PDSS2: variants seen among roughly 807,000 people sequenced by gnomAD.
The protein encoded by PDSS2 is decaprenyl diphosphate synthase subunit 2.
In PDSS2, 31 loss-of-function variants were observed where a neutral mutation model predicts 44.5. That is an observed-to-expected ratio of 0.70 (90% CI 0.52 to 0.94). The LOEUF (loss-of-function observed/expected upper bound fraction) is 0.94, where lower values mean the gene tolerates loss of function less well. Ranked by LOEUF, PDSS2 falls within the 40% of genes least tolerant of loss-of-function variation. The probability of loss-of-function intolerance (pLI) is 0.00; values close to 1 mark genes in which losing one functional copy is unlikely to be tolerated. For missense variants in PDSS2, 452 were observed against 482.2 expected (o/e 0.94, Z 0.59); for synonymous variants, 157 against 180.3 (o/e 0.87, Z 1.03).
chr6:107,245,406 C>CA, intron 4 of PDSS2, 142 bp downstream of exon 4: 1 of 498,718 alleles, frequency 2.0e-6, no homozygotes. Flanking sequence ...AATTTGTAGC[C>CA]AAAACACTAA....
Position 107,307,523 on chromosome 6 carries a change from C to CTTT in PDSS2, c.431+26672_431+26674dup, listed in dbSNP as rs77184396. ...GATGGGGCACTTCTACTTTTTAAGC[C>CTTT]TTTTTTTTTTTTTTAAACAGGCAGT... On this transcript the variant is annotated intron_variant, in intron 2 of 7. Transcript: ENST00000369037. Among the ~76,000 whole-genome samples, 4 of 142,326 alleles carry CTTT rather than the reference C, an allele frequency of 2.8e-5. No homozygotes were observed. The Admixed American group carries it at 2.8e-4, about 10-fold the overall frequency. The allele number at this position is 142,326 out of a possible 152,430, so 93.4% of individuals were successfully genotyped here. A position where few individuals can be genotyped will look rare whatever the true frequency, so the allele number is the denominator to read the frequency against.
chr6:107,450,168 T>A (rs1315784743), intron 1 of PDSS2, among the ~76,000 whole-genome samples: 2 of 152,234 alleles, frequency 1.3e-5, no homozygotes, highest in African/African-American at 4.8e-5. Flanking sequence ...AGTTGTTGTA[T>A]CAGTGGTTCA....
intron 1 of PDSS2, among the ~76,000 whole-genome samples, chr6:107,409,324 A>T (rs1412119984): frequency 1.3e-5 from 2 of 152,126 alleles, no homozygotes; most frequent in Non-Finnish European, 1.5e-5. Flanking sequence ...TGGATCTGTA[A>T]TTCTATATAT....
intron 1 of PDSS2, among the ~76,000 whole-genome samples, chr6:107,445,022 T>G (rs1314793405): frequency 6.6e-6 from 1 of 152,082 alleles, no homozygotes; most frequent in Non-Finnish European, 1.5e-5. Context: ...GCCTTACTAC[T>G]CAAAGAATCA....
chr6:107,428,404 G>A (rs1460220436), intron 1 of PDSS2, among the ~76,000 whole-genome samples: 3 of 152,200 alleles, frequency 2.0e-5, no homozygotes, highest in African/African-American at 7.2e-5. Flanking sequence ...GATGAATGCC[G>A]TGACTAAGGC....
At chr6:107,174,953 G>A (rs1380513101) in intron 7 of PDSS2, among the ~76,000 whole-genome samples, 2 of 152,102 alleles carry the variant, frequency 1.3e-5, no homozygotes, top group Non-Finnish European at 1.5e-5. Context: ...GGTGGTTCAC[G>A]CCAGGAATCC....
intron 1 of PDSS2, among the ~76,000 whole-genome samples, chr6:107,431,279 G>A (rs375123043): frequency 6.6e-6 from 1 of 152,222 alleles, no homozygotes; most frequent in South Asian, 2.1e-4. Context: ...TTGAGACAGG[G>A]TCTCACTCTG....
intron 1 of PDSS2, among the ~76,000 whole-genome samples, chr6:107,448,088 G>T (rs1014028665): frequency 6.6e-6 from 1 of 152,112 alleles, no homozygotes; most frequent in Non-Finnish European, 1.5e-5. Flanking sequence ...GCATACAGCA[G>T]GGGGGGCTGG....
chr6:107,307,487 T>G (rs958738165), intron 2 of PDSS2, among the ~76,000 whole-genome samples: 1 of 151,566 alleles, frequency 6.6e-6, no homozygotes, highest in South Asian at 2.1e-4. Context: ...CTGATATACC[T>G]CCAACTCACA....
chr6:107,382,644 C>G (rs768411767), intron 1 of PDSS2, among the ~76,000 whole-genome samples: 1 of 152,078 alleles, frequency 6.6e-6, no homozygotes, highest in Non-Finnish European at 1.5e-5. Flanking sequence ...TCAAGACTAG[C>G]CTGGACAACA....
rs546392461 is a variant in PDSS2, at chr6:107,186,200, A to G, written c.1041+7622T>C. Among the ~76,000 whole-genome samples the G allele has an allele frequency of 6.6e-5, 10 of 152,320 alleles. No individual in the cohort carries two copies. In the East Asian group the frequency reaches 1.5e-3, roughly 23 times the overall value. On this transcript the variant is annotated intron_variant, in intron 7 of 7. Coordinates refer to ENST00000369037, the MANE Select transcript of PDSS2 (RefSeq NM_020381.4). ...ATTAATAGTTGTCAAGTGCTTTGATATCTTAGGATGAAAGGTACTACAGCA... is the reference window on the plus strand; with the variant it reads ...ATTAATAGTTGTCAAGTGCTTTGATGTCTTAGGATGAAAGGTACTACAGCA...
intron 2 of PDSS2, among the ~76,000 whole-genome samples, chr6:107,282,587 C>T (rs1324791153): frequency 2.6e-5 from 4 of 151,316 alleles, no homozygotes; most frequent in Non-Finnish European, 5.9e-5. Context: ...TTTTTGGGGC[C>T]GGGCTCCGTG....
chr6:107,212,045 A>T (rs1773235443), intron 5 of PDSS2, 64 bp downstream of exon 5: 1 of 1,367,998 alleles, frequency 7.3e-7, no homozygotes, highest in African/African-American at 1.4e-5. Flanking sequence ...AAATGGCAAA[A>T]GGTTTCTTGT....
At chr6:107,264,370 C>G in intron 3 of PDSS2, 18 of 1,537,874 alleles carry the variant, frequency 1.2e-5, no homozygotes, top group Non-Finnish European at 1.5e-5. Flanking sequence ...CACTGGTTAT[C>G]CGGAAGTATA....
At chr6:107,246,779 A>T (rs1774631832) in intron 3 of PDSS2, among the ~76,000 whole-genome samples, 1 of 152,356 alleles carries the variant, frequency 6.6e-6, no homozygotes, top group Admixed American at 6.5e-5. Flanking sequence ...AGAACTGCTG[A>T]TATGAAATTT....
intron 4 of PDSS2, among the ~76,000 whole-genome samples, chr6:107,223,717 G>C (rs760466813): frequency 6.6e-6 from 1 of 151,010 alleles, no homozygotes; most frequent in Non-Finnish European, 1.5e-5. Context: ...CTGTCTCAGG[G>C]TTGTAGATTG....
At chr6:107,278,977 T>C (rs1775876275) in intron 2 of PDSS2, among the ~76,000 whole-genome samples, 1 of 152,160 alleles carries the variant, frequency 6.6e-6, no homozygotes, top group African/African-American at 2.4e-5. Context: ...CCCAGCACTT[T>C]GGGAGGCTGA....
chr6:107,265,670 G>A (rs2430478), intron 3 of PDSS2, among the ~76,000 whole-genome samples: 82,564 of 152,038 alleles, frequency 0.54, 23,288 homozygotes, highest in Middle Eastern at 0.72. Context: ...GGCCAGGTGC[G>A]GTGGCTCACG....
intron 7 of PDSS2, among the ~76,000 whole-genome samples, chr6:107,155,071 G>T (rs934579839): frequency 2.0e-5 from 3 of 151,896 alleles, no homozygotes; most frequent in African/African-American, 7.3e-5. Context: ...GCCATGCTGG[G>T]GGATGGCAGT....
Sources: allele counts gnomAD v4.1 joint callset (sites outside exome capture counted in the v4.1 genomes callset), GRCh38; gene constraint gnomAD v4.1.1; transcripts MANE v1.5; gene names NCBI Gene and HGNC (gene_info 2026-07-23, HGNC 2026-07-21).